IGF1R: variants seen among roughly 807,000 people sequenced by gnomAD.
IGF1R encodes the protein insulin like growth factor 1 receptor.
Under a neutral mutation model 144.6 loss-of-function variants are expected in IGF1R, and 44 were observed. The observed-to-expected ratio is 0.30, with a 90% CI of 0.24 to 0.39. IGF1R has a LOEUF of 0.39. Among genes scored for constraint, IGF1R ranks in the 10% least tolerant of loss-of-function variants. IGF1R has a pLI of 1.00. For synonymous variants in IGF1R, 795 were observed against 722.8 expected, an observed-to-expected ratio of 1.10 and a Z score of -1.60; for missense variants, 1,355 against 1,833.7, an observed-to-expected ratio of 0.74 and a Z score of 4.77.
intron 6 of IGF1R, 61 bp downstream of exon 6, chr15:98,908,960 C>A (rs34061630): frequency 6.9e-7 from 1 of 1,459,638 alleles, no homozygotes; most frequent in East Asian, 2.3e-5. Context: ...AGACCCTCCT[C>A]CCATGTGTGA....
intron 2 of IGF1R, among the ~76,000 whole-genome samples, chr15:98,738,768 C>T (rs2054669899): frequency 6.6e-6 from 1 of 152,210 alleles, no homozygotes; most frequent in Non-Finnish European, 1.5e-5. Flanking sequence ...TATCCCATTT[C>T]ACAGTTTGCC....
intron 2 of IGF1R, among the ~76,000 whole-genome samples, chr15:98,835,605 A>C (rs912592480): frequency 2.0e-5 from 3 of 152,192 alleles, no homozygotes; most frequent in Admixed American, 2.0e-4. Context: ...CAGCAGGTCA[A>C]AGAGTAGGGA....
At chr15:98,954,569 GA>G (rs1453391556) in intron 20 of IGF1R, among the ~76,000 whole-genome samples, 1 of 152,152 alleles carries the variant, frequency 6.6e-6, no homozygotes, top group Non-Finnish European at 1.5e-5. Flanking sequence ...TGTTACTCTG[GA>G]ATGGTTTAAA....
intron 2 of IGF1R, among the ~76,000 whole-genome samples, chr15:98,885,991 A>AT (rs973144221): frequency 2.0e-5 from 3 of 151,730 alleles, no homozygotes; most frequent in African/African-American, 7.3e-5. Context: ...TAATTTTTGT[A>AT]TTTTTAGTAA....
At chr15:98,746,756 T>G (rs1372258937) in intron 2 of IGF1R, among the ~76,000 whole-genome samples, 1 of 152,108 alleles carries the variant, frequency 6.6e-6, no homozygotes, top group African/African-American at 2.4e-5. Flanking sequence ...TTGGTTGTTG[T>G]GTTTTGCCTT....
Position 98,915,980 on chromosome 15 carries a change from G to C in IGF1R, c.1845G>C (p.Leu615Phe). 1 of 1,613,968 alleles carries C rather than the reference G, an allele frequency of 6.2e-7. No individual in the cohort carries two copies. Among genetic ancestry groups the C allele is most frequent in the Non-Finnish European group, 8.5e-7 (1 of 1,179,942 alleles). The change falls in exon 9 of 21, where the codon TTG becomes TTC. Residue 615 changes from leucine to phenylalanine, a missense_variant. Leu to Phe is a conservative substitution (Grantham distance 22). Transcript: ENST00000650285. ...CCTCTCCAGTTCCTTCCATTCCCTT[G>C]GACGTTCTTTCAGCATCGAACTCCT... is the stretch of plus-strand genomic sequence containing the variant. The part of the protein sequence containing the change: ...RTNASVPSIP[L>F]DVLSASNSSS...
intron 2 of IGF1R, among the ~76,000 whole-genome samples, chr15:98,738,028 C>T (rs777043834): frequency 1.3e-5 from 2 of 152,162 alleles, no homozygotes; most frequent in African/African-American, 2.4e-5. Flanking sequence ...AGGCTGTTTC[C>T]GCTGGGTGCG....
intron 19 of IGF1R, among the ~76,000 whole-genome samples, chr15:98,947,443 G>T (rs2016595078): frequency 6.6e-6 from 1 of 152,192 alleles, no homozygotes; most frequent in Admixed American, 6.5e-5. Flanking sequence ...CTGCAGCCCA[G>T]GACAGGTCCA....
At chr15:98,678,310 T>C (rs2053099015) in intron 1 of IGF1R, among the ~76,000 whole-genome samples, 1 of 152,232 alleles carries the variant, frequency 6.6e-6, no homozygotes, top group African/African-American at 2.4e-5. Flanking sequence ...TTAAATGAGA[T>C]AGCTTTACAG....
chr15:98,865,097 GAGGACTCCTTAC>G (rs1450366929), intron 2 of IGF1R, among the ~76,000 whole-genome samples: 1 of 152,206 alleles, frequency 6.6e-6, no homozygotes, highest in Non-Finnish European at 1.5e-5. Context: ...CTGGACCAAA[GAGGACTCCTTAC>G]AGTAGGATAC....
intron 2 of IGF1R, among the ~76,000 whole-genome samples, chr15:98,796,761 A>G (rs954413645): frequency 2.0e-5 from 3 of 152,256 alleles, no homozygotes; most frequent in Non-Finnish European, 4.4e-5. Flanking sequence ...GGACACGAAT[A>G]TAAGCTTTAC....
intron 6 of IGF1R, among the ~76,000 whole-genome samples, chr15:98,909,112 C>T (rs1305021135): frequency 6.6e-6 from 1 of 152,192 alleles, no homozygotes; most frequent in African/African-American, 2.4e-5. Context: ...AAATTCTGTA[C>T]ATCTCTGTGA....
chr15:98,660,912 A>G (rs1233342481), intron 1 of IGF1R, among the ~76,000 whole-genome samples: 1 of 152,054 alleles, frequency 6.6e-6, no homozygotes, highest in Non-Finnish European at 1.5e-5. Flanking sequence ...TGCAGGCTGG[A>G]CTCGGCTGCC....
intron 1 of IGF1R, among the ~76,000 whole-genome samples, chr15:98,663,047 G>T (rs1478198970): frequency 6.6e-6 from 1 of 152,128 alleles, no homozygotes; most frequent in African/African-American, 2.4e-5. Flanking sequence ...GCCAGTGATG[G>T]TATAGATGAG....
intron 2 of IGF1R, among the ~76,000 whole-genome samples, chr15:98,822,623 C>T (rs2056822804): frequency 6.6e-6 from 1 of 152,208 alleles, no homozygotes; most frequent in Non-Finnish European, 1.5e-5. Flanking sequence ...ATGCATTTCT[C>T]CTATGAGGAA....
intron 2 of IGF1R, among the ~76,000 whole-genome samples, chr15:98,835,365 A>C (rs2057080924): frequency 6.6e-6 from 1 of 152,226 alleles, no homozygotes; most frequent in Admixed American, 6.5e-5. Context: ...GCGAAGTGGA[A>C]GCACTCATCT....
At chr15:98,714,164 C>T (rs2054060172) in intron 2 of IGF1R, among the ~76,000 whole-genome samples, 2 of 146,626 alleles carry the variant, frequency 1.4e-5, no homozygotes, top group Non-Finnish European at 2.9e-5. Context: ...AAAATGAAGG[C>T]AGGTTGTAGT....
intron 2 of IGF1R, among the ~76,000 whole-genome samples, chr15:98,733,447 G>A (rs968171856): frequency 3.3e-5 from 5 of 151,562 alleles, no homozygotes; most frequent in Admixed American, 6.6e-5. Flanking sequence ...CTCCCAAAGC[G>A]CTAGGATTAC....
chr15:98,886,898 G>A (rs547265581), intron 2 of IGF1R, among the ~76,000 whole-genome samples: 1 of 152,220 alleles, frequency 6.6e-6, no homozygotes, highest in Admixed American at 6.5e-5. Flanking sequence ...TTCAGTGAGG[G>A]GAGCATGGTG....
Sources: allele counts gnomAD v4.1 joint callset (sites outside exome capture counted in the v4.1 genomes callset), GRCh38; gene constraint gnomAD v4.1.1; transcripts MANE v1.5; gene names NCBI Gene and HGNC (gene_info 2026-07-23, HGNC 2026-07-21).